OTOA: variants seen among roughly 807,000 people sequenced by gnomAD.
OTOA encodes otoancorin.
Under a neutral mutation model 110.8 loss-of-function variants are expected in OTOA, and 70 were observed. That is an observed-to-expected ratio of 0.63 (90% CI 0.52 to 0.77). The LOEUF is 0.77. Among genes scored for constraint, OTOA ranks in the 30% least tolerant of loss-of-function variants. The pLI is 0.00. For missense variants in OTOA, 917 were observed against 1,075.8 expected (o/e 0.85, Z 2.06); for synonymous variants, 373 against 431.5 (o/e 0.86, Z 1.68).
At position 21,726,705 on chromosome 16, in the gene OTOA, C is replaced by A. The variant is rs1050103186; in HGVS notation, c.2016+47C>A. 2.5e-6 allele frequency: 4 copies of A among 1,611,932 alleles called. No homozygotes were observed. In the South Asian group the frequency reaches 4.4e-5, roughly 18 times the overall value. On this transcript the variant is annotated intron_variant, in intron 19 of 28. Coordinates refer to ENST00000646100, the MANE Select transcript of OTOA (RefSeq NM_144672.4). ...GTCCCCTCCCTCTGGGTATCTGTGG[C>A]CATCTTGGGGAGCCCTGTGAGGGAT...
At chr16:21,731,581 G>A (rs1428981306) in intron 21 of OTOA, among the ~76,000 whole-genome samples, 5 of 152,226 alleles carry the variant, frequency 3.3e-5, no homozygotes, top group Admixed American at 1.3e-4. Context: ...GAAGGGATAA[G>A]TACAATTCTC....
intron 13 of OTOA, 148 bp from the exon 14 acceptor site, chr16:21,714,837 A>C: frequency 1.0e-6 from 1 of 985,882 alleles, no homozygotes; most frequent in Non-Finnish European, 1.5e-6. Context: ...GAAGGAAGGA[A>C]GGCCTGTGGA....
intron 9 of OTOA, among the ~76,000 whole-genome samples, chr16:21,692,927 CAAAAA>C (rs34170544): frequency 4.1e-5 from 4 of 97,080 alleles, no homozygotes; most frequent in East Asian, 5.9e-4. Flanking sequence ...GACTCTGTCT[CAAAAA>C]AAAAAAAAAA....
chr16:21,695,891 A>ATATATATATATTTTTTTTTTTTTT (rs569493650), intron 9 of OTOA, among the ~76,000 whole-genome samples: 1 of 41,904 alleles, frequency 2.4e-5, no homozygotes, highest in Non-Finnish European at 3.7e-5. Flanking sequence ...ATATATATAT[A>ATATATATATATTTTTTTTTTTTTT]TTTTTTTTTT....
intron 17 of OTOA, among the ~76,000 whole-genome samples, chr16:21,720,453 C>T (rs566543719): frequency 6.6e-6 from 1 of 152,306 alleles, no homozygotes; most frequent in East Asian, 1.9e-4. Flanking sequence ...GCATAGAGTG[C>T]TTGGTGTATA....
intron 17 of OTOA, 42 bp downstream of exon 17, chr16:21,719,546 A>G (rs1196479630): frequency 6.5e-7 from 1 of 1,542,830 alleles, no homozygotes; most frequent in Admixed American, 1.7e-5. Context: ...CTCTCTCCCT[A>G]CCCCAGTCAC....
intron 9 of OTOA, among the ~76,000 whole-genome samples, chr16:21,696,564 GATT>G (rs1897944794): frequency 6.6e-6 from 1 of 152,008 alleles, no homozygotes; most frequent in Non-Finnish European, 1.5e-5. Context: ...CATGTTGCCA[GATT>G]ATTATCATTA....
chr16:21,726,590 T>C lies in OTOA; in HGVS notation c.1948T>C (p.Trp650Arg). The C allele has an allele frequency of 1.2e-6, 2 of 1,614,070 alleles. No individual in the cohort carries two copies. The highest frequency in any genetic ancestry group is 1.7e-6 in the Non-Finnish European group (2 of 1,180,004). The part of the protein sequence containing the change: ...VPFLISLGKS[W>R]LDSLVLDSHK... ...CTTTCTGATCAGCCTGGGGAAGAGC[T>C]GGTTGGACTCCTTGGTTTTAGATTC... The change falls in exon 19 of 29, where the codon TGG becomes CGG. Residue 650 changes from tryptophan (W) to arginine (R), a missense_variant. This residue lies in a region of OTOA where 840 missense variants were observed against 910.2 expected (regional missense o/e 0.92). Coordinates refer to ENST00000646100, the MANE Select transcript of OTOA (RefSeq NM_144672.4).
At chr16:21,696,102 C>T (rs1021064098) in intron 9 of OTOA, among the ~76,000 whole-genome samples, 2 of 151,454 alleles carry the variant, frequency 1.3e-5, no homozygotes, top group Non-Finnish European at 1.5e-5. Flanking sequence ...GCCATGTTGA[C>T]CAGTATGCTC....
chr16:21,732,876 G>C (rs1419026479), intron 21 of OTOA, among the ~76,000 whole-genome samples: 2 of 139,012 alleles, frequency 1.4e-5, no homozygotes, highest in African/African-American at 5.2e-5. Context: ...TTTATATTGT[G>C]ATGTTTTATT....
intron 5 of OTOA, among the ~76,000 whole-genome samples, chr16:21,679,518 C>T (rs1966873210): frequency 6.6e-6 from 1 of 152,060 alleles, no homozygotes; most frequent in Admixed American, 6.6e-5. Context: ...AATTTTCCTG[C>T]CTCAGCCTCC....
intron 9 of OTOA, among the ~76,000 whole-genome samples, chr16:21,696,156 G>T (rs550159916): frequency 6.6e-6 from 1 of 151,594 alleles, no homozygotes; most frequent in Admixed American, 6.6e-5. Flanking sequence ...GCCTCCCAAA[G>T]TTCTGGGATT....
intron 6 of OTOA, among the ~76,000 whole-genome samples, chr16:21,684,752 T>C (rs1966974992): frequency 5.8e-5 from 5 of 85,862 alleles, no homozygotes. Context: ...TTATTATTAT[T>C]ATTATTATTA....
At chr16:21,723,018 A>G (rs1337782058) in intron 18 of OTOA, 40 bp downstream of exon 18, 1 of 1,595,228 alleles carries the variant, frequency 6.3e-7, no homozygotes. Context: ...CTCATCAGTG[A>G]GATCGGTGGG....
chr16:21,735,188 C>T (rs1178729285), intron 21 of OTOA, among the ~76,000 whole-genome samples: 5 of 151,250 alleles, frequency 3.3e-5, no homozygotes, highest in African/African-American at 9.7e-5. Context: ...TGGCTCATGG[C>T]TCTGCCGACT....
rs1329625437 is a variant in OTOA, at chr16:21,700,926, G to A, written c.879G>A (p.Gln293=). Reference sequence around the variant, plus strand: ...TCAGCTATGACAACGCCACCAAGCAGCTGGACATGGTCTATGACATCACAC... The same window carrying A: ...TCAGCTATGACAACGCCACCAAGCAACTGGACATGGTCTATGACATCACAC... ...LFISYDNATK[Q]LDMVYDITPE... is the part of the protein sequence containing the mutation. The change falls in exon 11 of 29, where the codon CAG becomes CAA. Residue 293 remains glutamine (Q), a synonymous_variant. Transcript: ENST00000646100. The A allele has an allele frequency of 1.9e-6, 3 of 1,614,078 alleles. No homozygotes were observed. The highest frequency in any genetic ancestry group is 2.7e-5 in the African/African-American group (2 of 75,006).
At chr16:21,721,403 C>CAAA (rs1169512464) in intron 17 of OTOA, 7 of 455,418 alleles carry the variant, frequency 1.5e-5, no homozygotes, top group Non-Finnish European at 2.7e-5. Flanking sequence ...TTGGTTGTCA[C>CAAA]AACCGGAGCA....
chr16:21,714,888 C>A, intron 13 of OTOA, 97 bp from the exon 14 acceptor site: 1 of 1,514,304 alleles, frequency 6.6e-7, no homozygotes, highest in South Asian at 1.1e-5. Context: ...CCTAAGGTGT[C>A]ACCCATCCCT....
intron 28 of OTOA, among the ~76,000 whole-genome samples, chr16:21,757,865 AC>A (rs1900046292): frequency 6.6e-6 from 1 of 151,984 alleles, no homozygotes; most frequent in African/African-American, 2.4e-5. Flanking sequence ...TCATCTGCCC[AC>A]CTCAGCCTCC....
Sources: gnomAD v4.1 joint callset for allele counts (sites outside exome capture counted in the v4.1 genomes callset) on GRCh38, gnomAD v4.1.1 for gene constraint, gnomAD v4.1.1 regional missense constraint, MANE v1.5 for transcripts, NCBI Gene and HGNC (gene_info 2026-07-23, HGNC 2026-07-21) for gene names.